The following UBIAD1 variants were observed in gnomAD, a reference collection of about 807,000 sequenced individuals.
The protein encoded by UBIAD1 is UbiA prenyltransferase domain containing 1, also known as ubiA prenyltransferase domain-containing protein 1.
In UBIAD1, 12 loss-of-function variants were observed where a neutral mutation model predicts 20.1. That is an observed-to-expected ratio of 0.60 (90% CI 0.38 to 0.97). The LOEUF is 0.97. UBIAD1 is among the 50% of genes least tolerant of loss of function. UBIAD1 has a pLI of 0.00. For synonymous variants in UBIAD1, 207 were observed against 189.2 expected (o/e 1.09, Z -0.77); for missense variants, 333 against 419.5 (o/e 0.79, Z 1.80).
chr1:11,297,315 C>G (rs1638464670), downstream of UBIAD1, among the ~76,000 whole-genome samples: 1 of 152,148 alleles, frequency 6.6e-6, no homozygotes, highest in African/African-American at 2.4e-5. Flanking sequence ...GCTCCTTCCT[C>G]CATGGGAGGA....
At chr1:11,281,835 T>C (rs964425328) in intron 1 of UBIAD1, among the ~76,000 whole-genome samples, 2 of 152,216 alleles carry the variant, frequency 1.3e-5, no homozygotes, top group Non-Finnish European at 2.9e-5. Context: ...ACTATGTATG[T>C]ATGTATGTAT....
rs984885249 is a variant in UBIAD1, at chr1:11,285,461, C to T, written c.530-183C>T. On this transcript the variant is annotated intron_variant, in intron 1 of 1. Coordinates refer to ENST00000376810, the MANE Select transcript of UBIAD1 (RefSeq NM_013319.3). This position sits in a 1 kb window ranked among gnomAD's most constrained non-coding sequence, Gnocchi z 4.4. ...GGCCTCACTGGGCATTCTCTCTGCA[C>T]CTGTGGCATTGGAGAAGAAATCAGA... Among the ~76,000 whole-genome samples the T allele has an allele frequency of 1.3e-5, 2 of 152,086 alleles. No individual in the cohort carries two copies. The highest frequency in any genetic ancestry group is 1.9e-4 in the East Asian group (1 of 5,184).
Position 11,286,378 on chromosome 1 carries a change from T to G in UBIAD1, c.*247T>G, listed in dbSNP as rs886045070. The G allele has an allele frequency of 1.3e-5, 7 of 549,832 alleles. No homozygotes were observed. In the Middle Eastern group the frequency reaches 2.0e-3, roughly 159 times the overall value. The allele number at this position is 549,832 out of a possible 1,614,324, so 34.1% of individuals were successfully genotyped here. On this transcript the variant is annotated 3_prime_UTR_variant, in exon 2 of 2. Transcript: ENST00000376810. Reference sequence around the variant, plus strand: ...AGGTGAATTAGGCGCATGGTCTTTGTTTTATTAATAATTTCCACTAGAGGG... The same window carrying G: ...AGGTGAATTAGGCGCATGGTCTTTGGTTTATTAATAATTTCCACTAGAGGG...
rs2101024055 is a variant in UBIAD1, at chr1:11,286,838, AT to A, written c.*708del. On this transcript the variant is annotated 3_prime_UTR_variant, in exon 2 of 2. Transcript: ENST00000376810. ...AACCACTCTGGAGGCAACTGAGAAA[AT>A]CACTGCTTTTGGATAGGAATCAGTA... The A allele has an allele frequency of 6.5e-6, 1 of 153,628 alleles. No homozygotes were observed. The highest frequency in any genetic ancestry group is 1.4e-5 in the Non-Finnish European group (1 of 69,002). The allele number at this position is 153,628 out of a possible 1,614,324, so 9.5% of individuals were successfully genotyped here.
rs539844629 is a variant in UBIAD1, at chr1:11,278,555, G to C, written c.529+4495G>C. The C allele has an allele frequency of 1.2e-4, 120 of 1,030,646 alleles. No homozygotes were observed. The African/African-American group carries it at 1.9e-3, about 16-fold the overall frequency. The allele number at this position is 1,030,646 out of a possible 1,614,324, so 63.8% of individuals were successfully genotyped here. A position where few individuals can be genotyped will look rare whatever the true frequency, so the allele number is the denominator to read the frequency against. On this transcript the variant is annotated intron_variant, in intron 1 of 1. Transcript: ENST00000376810. ...ATTTTGCATTGTGATATTTAATCAA[G>C]ACATTAACACGAGTAGAAGGTTGTT...
At chr1:11,293,778 C>T (rs961182968) in intron 1 of UBIAD1, among the ~76,000 whole-genome samples, 4 of 152,164 alleles carry the variant, frequency 2.6e-5, no homozygotes, top group East Asian at 1.9e-4. Context: ...TGAGTTCAAG[C>T]GATTCTCCTG....
downstream of UBIAD1, among the ~76,000 whole-genome samples, chr1:11,297,715 A>G (rs1403056612): frequency 2.0e-5 from 3 of 152,198 alleles, no homozygotes; most frequent in African/African-American, 2.4e-5. Flanking sequence ...AATGCTTCAC[A>G]GCCCTGGAGG....
chr1:11,286,739 C>T lies in UBIAD1; in HGVS notation c.*608C>T, dbSNP rs1201004068. ...GATGCTTTTGTTCTCTCTCCTTTCACTTATTGCCACAGTTGAGGAAAAGTG... is the reference window on the plus strand; with the variant it reads ...GATGCTTTTGTTCTCTCTCCTTTCATTTATTGCCACAGTTGAGGAAAAGTG... On this transcript the variant is annotated 3_prime_UTR_variant, in exon 2 of 2. Transcript: ENST00000376810. The T allele has an allele frequency of 6.4e-6, 1 of 155,474 alleles. No individual in the cohort carries two copies. The highest frequency in any genetic ancestry group is 1.4e-5 in the Non-Finnish European group (1 of 70,250). The allele number at this position is 155,474 out of a possible 1,614,324, so 9.6% of individuals were successfully genotyped here.
downstream of UBIAD1, among the ~76,000 whole-genome samples, chr1:11,293,006 G>C (rs899181852): frequency 2.0e-5 from 3 of 152,158 alleles, no homozygotes; most frequent in East Asian, 1.9e-4. Flanking sequence ...GCCTGAGGAG[G>C]GGGCAAAGGC....
rs1251299102 is a variant in UBIAD1 at position 11,273,778 on chromosome 1, C to CT, written c.248dup (p.Val85GlyfsTer15). The stretch of plus-strand genomic sequence containing the variant: ...ATCCCACGGTGTCCTGGATCCCAGG[C>CT]TCTTGGTGGGTTGTGCCGTGGCTGT... On this transcript the variant is annotated frameshift_variant, in exon 1 of 2. Transcript: ENST00000376810. LOFTEE classifies it high-confidence loss of function. The surrounding 1 kb of genome is among the most constrained non-coding windows in gnomAD (Gnocchi z 4.9). The CT allele has an allele frequency of 6.2e-7, 1 of 1,614,012 alleles. No homozygotes were observed. The highest frequency in any genetic ancestry group is 8.5e-7 in the Non-Finnish European group (1 of 1,180,018).
chr1:11,288,645 C>T (rs547398595), downstream of UBIAD1, among the ~76,000 whole-genome samples: 4 of 152,274 alleles, frequency 2.6e-5, no homozygotes, highest in East Asian at 1.9e-4. Flanking sequence ...TGGTGGCTCA[C>T]GCTTGTAATC....
rs1344754715 is a variant in UBIAD1 at position 11,288,016 on chromosome 1, A to C, written c.*1885A>C. 2 of 152,208 alleles carry C rather than the reference A, an allele frequency of 1.3e-5. No homozygotes were observed. Among genetic ancestry groups the C allele is most frequent in the African/African-American group, 2.4e-5 (1 of 41,444 alleles). 9.4% of individuals were successfully genotyped at this position (152,208 alleles called of 1,614,324 possible). On this transcript the variant is annotated 3_prime_UTR_variant, in exon 2 of 2. Coordinates refer to ENST00000376810, the MANE Select transcript of UBIAD1 (RefSeq NM_013319.3). ...GTCTAGCAGAGAGCCAGAATCTTCT[A>C]ATAGTGGGCAGAGCCCAGAGACAAG...
rs947698935 is a variant in UBIAD1, at chr1:11,273,939, C to T, written c.408C>T (p.Val136=). ...CGCAGGATGTCGTCCGGTTCGGAGT[C>T]TTCCTCTACACGTTGGGCTGCGTCT... ...LEPQDVVRFG[V]FLYTLGCVCA... The change falls in exon 1 of 2, where the codon GTC becomes GTT. Residue 136 remains valine, a synonymous_variant. Transcript: ENST00000376810. The surrounding 1 kb of genome is among the most constrained non-coding windows in gnomAD (Gnocchi z 4.9). The T allele has an allele frequency of 1.9e-6, 3 of 1,614,244 alleles. No homozygotes were observed. The South Asian group carries it at 3.3e-5, about 18-fold the overall frequency.
At chr1:11,280,628 CT>C (rs2101019107) in intron 1 of UBIAD1, among the ~76,000 whole-genome samples, 1 of 152,310 alleles carries the variant, frequency 6.6e-6, no homozygotes, top group African/African-American at 2.4e-5. Flanking sequence ...CATCCTAGTT[CT>C]TCAGGCCAAA....
At chr1:11,278,866 T>A in intron 1 of UBIAD1, 1 of 411,066 alleles carries the variant, frequency 2.4e-6, no homozygotes, top group Admixed American at 4.2e-5. Context: ...GGCTATATAT[T>A]CTTTTTTTTT....
At chr1:11,283,184 T>G (rs1018768172) in intron 1 of UBIAD1, among the ~76,000 whole-genome samples, 4 of 152,082 alleles carry the variant, frequency 2.6e-5, no homozygotes, top group African/African-American at 9.7e-5. Context: ...TTTTGCCGAG[T>G]GATCTAAGGA....
chr1:11,285,774 C>T lies in UBIAD1; in HGVS notation c.660C>T (p.Pro220=), dbSNP rs1346882124. The T allele has an allele frequency of 6.2e-7, 1 of 1,614,200 alleles. No homozygotes were observed. Among genetic ancestry groups the T allele is most frequent in the Non-Finnish European group, 8.5e-7 (1 of 1,180,036 alleles). The change falls in exon 2 of 2, where the codon CCC becomes CCT. Residue 220 remains proline, a synonymous_variant. Transcript: ENST00000376810. The surrounding 1 kb of genome is among the most constrained non-coding windows in gnomAD (Gnocchi z 4.4). ...TCTTCCCACTGGTCTATGCCATCCC[C>T]CTCGCCCTCAGCACCGAGGCCATTC... ...LAIFPLVYAI[P]LALSTEAILH... is the part of the protein sequence containing the mutation.
chr1:11,273,434 A>C lies in UBIAD1; in HGVS notation c.-98A>C. Reference sequence around the variant, plus strand: ...CCTGTCCTGGGGCGGAACCGAAGGAAGGTCGGGCCCTGCTGCCCCGCCCCG... The same window carrying C: ...CCTGTCCTGGGGCGGAACCGAAGGACGGTCGGGCCCTGCTGCCCCGCCCCG... On this transcript the variant is annotated 5_prime_UTR_variant, in exon 1 of 2. Coordinates refer to ENST00000376810, the MANE Select transcript of UBIAD1 (RefSeq NM_013319.3). This position sits in a 1 kb window ranked among gnomAD's most constrained non-coding sequence, Gnocchi z 4.9. The C allele has an allele frequency of 6.7e-7, 1 of 1,485,928 alleles. No homozygotes were observed. Among genetic ancestry groups the C allele is most frequent in the Non-Finnish European group, 9.3e-7 (1 of 1,081,072 alleles). 92.0% of individuals were successfully genotyped at this position (1,485,928 alleles called of 1,614,324 possible).
At chr1:11,279,955 G>C (rs1652188355) in intron 1 of UBIAD1, among the ~76,000 whole-genome samples, 2 of 152,204 alleles carry the variant, frequency 1.3e-5, no homozygotes, top group Admixed American at 6.5e-5. Context: ...AGGTAAAGGG[G>C]ATGTGAGCAA....
Sources: allele counts gnomAD v4.1 joint callset (sites outside exome capture counted in the v4.1 genomes callset), GRCh38; gene constraint gnomAD v4.1.1; non-coding constraint Gnocchi (gnomAD v3.1); transcripts MANE v1.5; gene names NCBI Gene and HGNC (gene_info 2026-07-23, HGNC 2026-07-21).